The following GPC6 variants were observed in gnomAD, a reference collection of about 807,000 sequenced individuals.
GPC6 encodes glypican 6.
In GPC6, 14 loss-of-function variants were observed where a neutral mutation model predicts 55.2. The ratio of observed to expected loss-of-function variants is 0.25; its 90% confidence interval spans 0.17 to 0.40. The LOEUF (loss-of-function observed/expected upper bound fraction) is 0.40, where lower values mean the gene tolerates loss of function less well. Ranked by LOEUF, GPC6 falls within the 10% of genes least tolerant of loss-of-function variation. GPC6 has a pLI of 1.00. For missense variants in GPC6, 641 were observed against 708.5 expected, an observed-to-expected ratio of 0.90 and a Z score of 1.08; for synonymous variants, 278 against 259.6, an observed-to-expected ratio of 1.07 and a Z score of -0.68.
intron 4 of GPC6, among the ~76,000 whole-genome samples, chr13:94,268,285 G>T (rs898878947): frequency 6.6e-6 from 1 of 152,146 alleles, no homozygotes; most frequent in Non-Finnish European, 1.5e-5. Context: ...CCACATTTTT[G>T]AAAAGTGTAG....
At chr13:93,346,422 T>C (rs1234607912) in intron 1 of GPC6, among the ~76,000 whole-genome samples, 2 of 152,216 alleles carry the variant, frequency 1.3e-5, no homozygotes, top group Non-Finnish European at 2.9e-5. Flanking sequence ...CCAGGAAAAC[T>C]GAAGTGGCAC....
chr13:94,304,078 G>A (rs1016308886), intron 5 of GPC6, among the ~76,000 whole-genome samples: 2 of 152,214 alleles, frequency 1.3e-5, no homozygotes, highest in Admixed American at 6.5e-5. Context: ...AAATGTTAAT[G>A]CCCTCCATCA....
At chr13:93,246,413 ATT>A (rs34089504) in intron 1 of GPC6, among the ~76,000 whole-genome samples, 1 of 151,664 alleles carries the variant, frequency 6.6e-6, no homozygotes, top group African/African-American at 2.4e-5. Context: ...AACTAGAGGT[ATT>A]TTTTTTCTTA....
intron 3 of GPC6, among the ~76,000 whole-genome samples, chr13:93,993,752 G>T (rs150489765): frequency 8.5e-5 from 13 of 152,172 alleles, no homozygotes; most frequent in African/African-American, 1.4e-4. Context: ...AGTTGGACAC[G>T]TATTTCTAAA....
chr13:94,157,471 C>T (rs1351913823), intron 4 of GPC6, among the ~76,000 whole-genome samples: 3 of 152,028 alleles, frequency 2.0e-5, no homozygotes, highest in Admixed American at 1.3e-4. Flanking sequence ...TAGAAATAGC[C>T]GTGGGAGGAG....
chr13:94,154,206 T>C (rs1887845487), intron 4 of GPC6: 1 of 145,942 alleles, frequency 6.9e-6, no homozygotes, highest in Non-Finnish European at 1.5e-5. Flanking sequence ...TTTAGCTTAT[T>C]ATGGGAGGAT....
intron 1 of GPC6, among the ~76,000 whole-genome samples, chr13:93,425,956 A>T (rs945147389): frequency 1.3e-5 from 2 of 152,132 alleles, no homozygotes; most frequent in African/African-American, 4.8e-5. Context: ...CCGCCAAATG[A>T]CTGCTCCAAA....
intron 6 of GPC6, among the ~76,000 whole-genome samples, chr13:94,339,826 C>T (rs1019664442): frequency 1.3e-4 from 17 of 134,760 alleles, no homozygotes; most frequent in Middle Eastern, 4.5e-3. Context: ...TGCAATGGCA[C>T]GATCTGGGCT....
At chr13:93,736,349 G>A (rs1317854816) in intron 2 of GPC6, among the ~76,000 whole-genome samples, 1 of 152,190 alleles carries the variant, frequency 6.6e-6, no homozygotes, top group Non-Finnish European at 1.5e-5. Flanking sequence ...CATGAACTAT[G>A]AGTAATAGGG....
intron 4 of GPC6, among the ~76,000 whole-genome samples, chr13:94,235,900 C>T (rs1890864698): frequency 6.6e-6 from 1 of 152,132 alleles, no homozygotes; most frequent in Non-Finnish European, 1.5e-5. Flanking sequence ...TTTGAGGTCA[C>T]CTTGTCCAAT....
intron 1 of GPC6, among the ~76,000 whole-genome samples, chr13:93,266,764 C>G (rs1451466635): frequency 1.3e-5 from 2 of 152,100 alleles, no homozygotes; most frequent in African/African-American, 4.8e-5. Flanking sequence ...GATTAAATGT[C>G]AGAGTTAAGG....
chr13:93,572,986 A>G lies in GPC6; in HGVS notation c.319+27565A>G, dbSNP rs984617723. Among the ~76,000 whole-genome samples the G allele has an allele frequency of 3.3e-5, 5 of 152,310 alleles. No individual in the cohort carries two copies. In the East Asian group the frequency reaches 9.7e-4, roughly 29 times the overall value. On this transcript the variant is annotated intron_variant, in intron 2 of 8. Coordinates refer to ENST00000377047, the MANE Select transcript of GPC6 (RefSeq NM_005708.5). ...GTCCTGGGCACATCAGGTCAGAATC[A>G]GATATCAACTGAAGTGGTGAAGGAG...
intron 2 of GPC6, among the ~76,000 whole-genome samples, chr13:93,746,544 C>T (rs771109064): frequency 4.6e-5 from 7 of 152,108 alleles, no homozygotes; most frequent in Admixed American, 1.3e-4. Flanking sequence ...TTATTATCAC[C>T]ATAACAGGAA....
chr13:94,379,961 T>C (rs1375526313), intron 6 of GPC6, among the ~76,000 whole-genome samples: 4 of 152,306 alleles, frequency 2.6e-5, no homozygotes, highest in Middle Eastern at 3.4e-3. Flanking sequence ...AATCTAAATC[T>C]AAGCTGGGGA....
chr13:93,819,489 G>A lies in GPC6; in HGVS notation c.320-10665G>A, dbSNP rs545192531. Among the ~76,000 whole-genome samples, 265 of 152,266 alleles carry A rather than the reference G, an allele frequency of 1.7e-3. 1 individual carries two copies. Among genetic ancestry groups the A allele is most frequent in the Admixed American group, 3.1e-3 (47 of 15,290 alleles). ...ACTGTTAATACAGTTATATACTTTA[G>A]GTGCATAAAGGGTTAAACAGGCATC... On this transcript the variant is annotated intron_variant, in intron 2 of 8. Coordinates refer to ENST00000377047, the MANE Select transcript of GPC6 (RefSeq NM_005708.5).
intron 6 of GPC6, among the ~76,000 whole-genome samples, chr13:94,322,722 T>C (rs1367006651): frequency 6.6e-6 from 1 of 152,140 alleles, no homozygotes; most frequent in Non-Finnish European, 1.5e-5. Flanking sequence ...TAGATGGAGA[T>C]ACAAAATTGG....
At chr13:93,928,019 G>T (rs1749325742) in intron 3 of GPC6, among the ~76,000 whole-genome samples, 1 of 151,746 alleles carries the variant, frequency 6.6e-6, no homozygotes, top group Admixed American at 6.6e-5. Context: ...AAATAGTATG[G>T]GCAATTAGTG....
At chr13:93,506,959 G>T (rs1189880122) in intron 1 of GPC6, among the ~76,000 whole-genome samples, 2 of 150,450 alleles carry the variant, frequency 1.3e-5, no homozygotes, top group African/African-American at 4.9e-5. Context: ...TACTCGGGAG[G>T]CTGAGACAGA....
intron 4 of GPC6, among the ~76,000 whole-genome samples, chr13:94,267,611 A>C (rs1891858597): frequency 1.3e-5 from 2 of 152,290 alleles, no homozygotes; most frequent in South Asian, 4.1e-4. Flanking sequence ...TGCCTGCTTA[A>C]ATTTCCCTAC....
Sources: gnomAD v4.1 joint callset for allele counts (sites outside exome capture counted in the v4.1 genomes callset) on GRCh38, gnomAD v4.1.1 for gene constraint, MANE v1.5 for transcripts, NCBI Gene and HGNC (gene_info 2026-07-23, HGNC 2026-07-21) for gene names.